GPR143: variants seen among roughly 807,000 people sequenced by gnomAD.
GPR143 encodes G protein-coupled receptor 143, also known as G-protein coupled receptor 143.
A neutral mutation model predicts 27.6 loss-of-function variants in GPR143; 8 were observed. The observed-to-expected ratio is 0.29, with a 90% CI of 0.17 to 0.52. The LOEUF is 0.52. Among genes scored for constraint, GPR143 ranks in the 20% least tolerant of loss-of-function variants. The pLI is 0.96. For missense variants in GPR143, 303 were observed against 343.1 expected (o/e 0.88, Z 0.92); for synonymous variants, 156 against 153.2 (o/e 1.02, Z -0.13).
At chrX:9,763,275 T>G (rs1485206261) in intron 1 of GPR143, among the ~76,000 whole-genome samples, 2 of 110,460 alleles carry the variant, frequency 1.8e-5, no homozygotes, top group Non-Finnish European at 3.8e-5. Flanking sequence ...GCCTAGAAGT[T>G]TGACCAGCCT....
upstream of GPR143, among the ~76,000 whole-genome samples, chrX:9,766,899 T>TCACACA: frequency 1.5e-5 from 1 of 67,144 alleles, no homozygotes; most frequent in African/African-American, 6.2e-5. Context: ...CCTATCTCTC[T>TCACACA]CTCTCACACA....
At chrX:9,772,609 G>C (rs1423209019) in intron 1 of GPR143, among the ~76,000 whole-genome samples, 1 of 110,023 alleles carries the variant, frequency 9.1e-6, no homozygotes, top group East Asian at 2.9e-4. Context: ...AGGAGTCCAA[G>C]ACCAGCCTTG....
intron 6 of GPR143, among the ~76,000 whole-genome samples, chrX:9,742,379 C>T (rs1024968447): frequency 9.0e-6 from 1 of 111,374 alleles, no homozygotes; most frequent in African/African-American, 3.3e-5. Context: ...AGTGATCCTC[C>T]TGCCTCAGCC....
In GPR143 at chrX:9,764,504, GCACACACACACACACACA is replaced by G. The variant is rs201690882; in HGVS notation, c.250+1046_250+1063del. ...ACAATAGAAAAGAATTTACACACGC[GCACACACACACACACACA>G]CACACACACACACACACACACAGAG... On this transcript the variant is annotated intron_variant, in intron 1 of 8. Coordinates refer to ENST00000467482, the MANE Select transcript of GPR143 (RefSeq NM_000273.3). Among the ~76,000 whole-genome samples, 335 of 99,064 alleles carry G rather than the reference GCACACACACACACACACA, an allele frequency of 3.4e-3. 2 individuals are homozygous for G. The highest frequency in any genetic ancestry group is 9.9e-3 in the African/African-American group (262 of 26,405). 86.0% of individuals were successfully genotyped at this position (99,064 alleles called of 115,157 possible).
At chrX:9,778,332 G>A (rs996367297) in intron 1 of GPR143, among the ~76,000 whole-genome samples, 6 of 111,342 alleles carry the variant, frequency 5.4e-5, no homozygotes, top group African/African-American at 9.8e-5. Flanking sequence ...GCAGGCTAAC[G>A]GCAAGCCACA....
chrX:9,775,079 C>A (rs2083566965), intron 1 of GPR143, among the ~76,000 whole-genome samples: 1 of 111,590 alleles, frequency 9.0e-6, no homozygotes, highest in South Asian at 3.8e-4. Flanking sequence ...ACAGGCTAGT[C>A]TGGAACTCCT....
chrX:9,770,788 A>C (rs763967916), upstream of GPR143, among the ~76,000 whole-genome samples: 31 of 111,787 alleles, frequency 2.8e-4, no homozygotes, highest in Admixed American at 4.8e-4. Context: ...AATGTGCCTT[A>C]AACTCTGTGC....
intron 1 of GPR143, among the ~76,000 whole-genome samples, chrX:9,762,639 A>G (rs2083508109): frequency 8.9e-6 from 1 of 111,884 alleles, no homozygotes; most frequent in African/African-American, 3.3e-5. Context: ...TATGTAATAC[A>G]CTACTAAACG....
intron 8 of GPR143, among the ~76,000 whole-genome samples, chrX:9,729,746 C>T (rs774192724): frequency 1.8e-5 from 2 of 111,887 alleles, no homozygotes; most frequent in African/African-American, 6.5e-5. Context: ...AGGAAATGCA[C>T]GTCCCAGTGA....
At position 9,772,548 on chromosome X, in the gene GPR143, C is replaced by T. The variant is rs775196587; in HGVS notation, c.-2-11722G>A. 4.7e-4 allele frequency among the ~76,000 whole-genome samples: 52 copies of T among 111,469 alleles called. 1 individual carries two copies. The highest frequency in any genetic ancestry group is 8.7e-4 in the Non-Finnish European group (46 of 53,128). ...TTTCAAAAAGAACAACTGACCTGGGCGCAGTGGCTTATGCCTTTGGGAGGC... is the reference window on the plus strand; with the variant it reads ...TTTCAAAAAGAACAACTGACCTGGGTGCAGTGGCTTATGCCTTTGGGAGGC... On this transcript the variant is annotated intron_variant, in intron 1 of 7. Coordinates refer to the GPR143 transcript ENST00000447366.
rs191054757 is a variant in GPR143, at chrX:9,748,714, C to T, written c.456-48G>A. On this transcript the variant is annotated intron_variant, in intron 3 of 8. Transcript: ENST00000467482. ...GCCACAGCTCAGTGGGGCACAGAGG[C>T]CTGCCTGGAACTGCCAGGCCAGCTC... 4.4e-6 allele frequency: 4 copies of T among 908,415 alleles called. No homozygotes were observed. In the Admixed American group the frequency reaches 6.9e-5, roughly 16 times the overall value. 74.9% of individuals were successfully genotyped at this position (908,415 alleles called of 1,213,427 possible).
chrX:9,739,443 T>C (rs975131612), intron 8 of GPR143, 42 bp downstream of exon 8: 25 of 987,592 alleles, frequency 2.5e-5, no homozygotes, highest in Non-Finnish European at 3.3e-5. Flanking sequence ...AGGGGAGCCC[T>C]GGGACCCCGA....
At chrX:9,728,936 G>A (rs1336494122) in intron 8 of GPR143, among the ~76,000 whole-genome samples, 1 of 111,444 alleles carries the variant, frequency 9.0e-6, no homozygotes, top group African/African-American at 3.3e-5. Flanking sequence ...CCCAGGTTTG[G>A]ATTAAGATGA....
At chrX:9,734,851 C>T (rs913224480) in intron 8 of GPR143, among the ~76,000 whole-genome samples, 1 of 112,054 alleles carries the variant, frequency 8.9e-6, no homozygotes, top group African/African-American at 3.2e-5. Context: ...CCCCCTGGCT[C>T]GCTCCCTGGA....
At chrX:9,730,938 A>G (rs73188253) in intron 8 of GPR143, among the ~76,000 whole-genome samples, 4,973 of 111,017 alleles carry the variant, frequency 0.045, 99 homozygotes, top group African/African-American at 0.053. Flanking sequence ...CAACTGGTCC[A>G]AAGCACCCCA....
Position 9,725,685 on chromosome X carries a change from C to G in GPR143, c.*61G>C. 3 of 899,215 alleles carry G rather than the reference C, an allele frequency of 3.3e-6. No homozygotes were observed. The highest frequency in any genetic ancestry group is 2.3e-5 in the Admixed American group (1 of 42,711). The allele number at this position is 899,215 out of a possible 1,213,427, so 74.1% of individuals were successfully genotyped here. On this transcript the variant is annotated 3_prime_UTR_variant, in exon 9 of 9. Transcript: ENST00000467482. ...GTGTTGGGAAGGTGAGAACACAGTTCTAAAGAACAAGAATTGTTGAGTCTG... is the reference window on the plus strand; with the variant it reads ...GTGTTGGGAAGGTGAGAACACAGTTGTAAAGAACAAGAATTGTTGAGTCTG...
rs778242308 is a variant in GPR143 at position 9,741,330 on chromosome X, T to C, written c.885+8A>G. On this transcript the variant is annotated splice_region_variant and intron_variant, in intron 7 of 8. Transcript: ENST00000467482. Reference sequence around the variant, plus strand: ...TAACTAATTAAAATAAAATATAGATTGACCTACCATAATAAACCATGTGGT... The same window carrying C: ...TAACTAATTAAAATAAAATATAGATCGACCTACCATAATAAACCATGTGGT... 3 of 714,288 alleles carry C rather than the reference T, an allele frequency of 4.2e-6. No homozygotes were observed. The East Asian group carries it at 1.0e-4, about 24-fold the overall frequency. The allele number at this position is 714,288 out of a possible 1,213,427, so 58.9% of individuals were successfully genotyped here.
At chrX:9,745,802 C>A (rs1045831318) in intron 5 of GPR143, among the ~76,000 whole-genome samples, 1 of 112,212 alleles carries the variant, frequency 8.9e-6, no homozygotes, top group Admixed American at 9.4e-5. Flanking sequence ...AGTGAAAAGT[C>A]AACTAGTCCT....
intron 4 of GPR143, among the ~76,000 whole-genome samples, chrX:9,747,009 T>TA (rs56761188): frequency 0.027 from 1,005 of 37,591 alleles, 27 homozygotes; most frequent in African/African-American, 0.03. Context: ...GCAGAAAATG[T>TA]AAAAAAAAAA....
Sources: allele counts gnomAD v4.1 joint callset (sites outside exome capture counted in the v4.1 genomes callset), GRCh38; gene constraint gnomAD v4.1.1; transcripts MANE v1.5; gene names NCBI Gene and HGNC (gene_info 2026-07-23, HGNC 2026-07-21).